Variants in TENM4 observed in about 807,000 individuals in gnomAD.
TENM4 encodes teneurin transmembrane protein 4, also known as teneurin-4.
In TENM4, 82 loss-of-function variants were observed where a neutral mutation model predicts 243.3. The ratio of observed to expected loss-of-function variants is 0.34; its 90% confidence interval spans 0.28 to 0.40. TENM4 has a LOEUF of 0.40. Ranked by LOEUF, TENM4 falls within the 10% of genes least tolerant of loss-of-function variation. The pLI is 1.00. For synonymous variants in TENM4, 1,412 were observed against 1,456.3 expected (o/e 0.97, Z 0.69); for missense variants, 3,138 against 3,673.3 (o/e 0.85, Z 3.77).
chr11:79,340,466 G>T (rs1331585907), intron 1 of TENM4, among the ~76,000 whole-genome samples: 1 of 152,126 alleles, frequency 6.6e-6, no homozygotes, highest in Non-Finnish European at 1.5e-5. Flanking sequence ...TGATACTCTT[G>T]AGGCTGGCTG....
At chr11:78,766,933 G>A (rs1464006107) in intron 18 of TENM4, among the ~76,000 whole-genome samples, 6 of 151,928 alleles carry the variant, frequency 3.9e-5, no homozygotes, top group South Asian at 2.1e-4. Flanking sequence ...CAAACTCCTG[G>A]CCTCAAGTGA....
chr11:78,860,779 T>C (rs968518140), intron 10 of TENM4, among the ~76,000 whole-genome samples: 3 of 152,194 alleles, frequency 2.0e-5, no homozygotes, highest in African/African-American at 7.2e-5. Flanking sequence ...CAGTGCTGCA[T>C]TGAAGGCATT....
intron 30 of TENM4, among the ~76,000 whole-genome samples, chr11:78,673,265 C>T (rs1381872672): frequency 4.6e-5 from 7 of 152,004 alleles, no homozygotes; most frequent in Admixed American, 3.9e-4. Context: ...TTGGATCTGC[C>T]CTGTAGGCAT....
At chr11:78,728,056 C>T (rs1456071698) in intron 22 of TENM4, among the ~76,000 whole-genome samples, 3 of 152,134 alleles carry the variant, frequency 2.0e-5, no homozygotes, top group Non-Finnish European at 2.9e-5. Context: ...CAGTCACTTC[C>T]CTTTTTAACT....
chr11:79,223,560 C>T (rs1029310844), intron 2 of TENM4, among the ~76,000 whole-genome samples: 3 of 152,158 alleles, frequency 2.0e-5, no homozygotes, highest in Admixed American at 2.0e-4. Context: ...CCTATTGTCA[C>T]TGGGGGAGAA....
At chr11:79,324,940 G>A (rs1161522179) in intron 1 of TENM4, among the ~76,000 whole-genome samples, 3 of 152,190 alleles carry the variant, frequency 2.0e-5, no homozygotes, top group African/African-American at 7.2e-5. Context: ...ACTCCCAAGA[G>A]GCAGGCCCCA....
Position 79,019,774 on chromosome 11 carries a change from T to C in TENM4, c.493+44964A>G, listed in dbSNP as rs560836906. 6.6e-5 allele frequency among the ~76,000 whole-genome samples: 10 copies of C among 152,248 alleles called. No homozygotes were observed. The East Asian group carries it at 1.9e-3, about 29-fold the overall frequency. Reference sequence around the variant, plus strand: ...GTTGAGGAAGTGGAGACACAGACACTATGACATTAGACAGTGAAATTAGAA... The same window carrying C: ...GTTGAGGAAGTGGAGACACAGACACCATGACATTAGACAGTGAAATTAGAA... On this transcript the variant is annotated intron_variant, in intron 6 of 33. Coordinates refer to ENST00000278550, the MANE Select transcript of TENM4 (RefSeq NM_001098816.3).
chr11:79,425,954 C>A, intron 1 of TENM4, among the ~76,000 whole-genome samples: 1 of 152,054 alleles, frequency 6.6e-6, no homozygotes, highest in East Asian at 1.9e-4. Context: ...AGGTGTGTGC[C>A]CACACACCTG....
At chr11:78,725,397 G>T (rs1352880879) in intron 23 of TENM4, among the ~76,000 whole-genome samples, 1 of 152,178 alleles carries the variant, frequency 6.6e-6, no homozygotes, top group African/African-American at 2.4e-5. Flanking sequence ...CCCGGCTCAT[G>T]GTCAGAGTGA....
chr11:78,844,987 T>TTGTACACTGCTTTCCAGCTCACTAAG (rs1303517995), intron 12 of TENM4, among the ~76,000 whole-genome samples: 2 of 152,288 alleles, frequency 1.3e-5, no homozygotes, highest in African/African-American at 4.8e-5. Context: ...TAATAATTAT[T>TTGTACACTGCTTTCCAGCTCACTAAG]TGTACACTGC....
intron 1 of TENM4, among the ~76,000 whole-genome samples, chr11:79,322,652 A>G (rs1055677926): frequency 6.6e-6 from 1 of 152,096 alleles, no homozygotes; most frequent in Non-Finnish European, 1.5e-5. Flanking sequence ...TGAGAAAGGG[A>G]AAAAAAAGAC....
At chr11:78,886,367 T>C (rs1565423617) in intron 9 of TENM4, among the ~76,000 whole-genome samples, 1 of 152,232 alleles carries the variant, frequency 6.6e-6, no homozygotes, top group Non-Finnish European at 1.5e-5. Flanking sequence ...CCTTCCAAGT[T>C]AGTCGTCACA....
intron 3 of TENM4, among the ~76,000 whole-genome samples, chr11:79,187,641 T>C (rs1227933871): frequency 6.6e-6 from 1 of 152,200 alleles, no homozygotes; most frequent in Non-Finnish European, 1.5e-5. Context: ...GTTGAAGTCC[T>C]AACCCCCAGT....
intron 16 of TENM4, among the ~76,000 whole-genome samples, chr11:78,785,711 C>A (rs1241932221): frequency 6.6e-6 from 1 of 152,084 alleles, no homozygotes; most frequent in African/African-American, 2.4e-5. Context: ...TATTCCATGG[C>A]CAAAACCCAG....
chr11:78,947,877 C>G (rs1055593740), intron 6 of TENM4, among the ~76,000 whole-genome samples: 1 of 152,140 alleles, frequency 6.6e-6, no homozygotes, highest in African/African-American at 2.4e-5. Flanking sequence ...ACTGCCAAAC[C>G]ATCGGTTCTC....
At chr11:79,388,490 G>T in intron 1 of TENM4, among the ~76,000 whole-genome samples, 1 of 152,176 alleles carries the variant, frequency 6.6e-6, no homozygotes, top group East Asian at 1.9e-4. Flanking sequence ...GGTGATTATT[G>T]TACCAGGAAT....
intron 9 of TENM4, among the ~76,000 whole-genome samples, chr11:78,878,655 T>A (rs1859333401): frequency 6.6e-6 from 1 of 152,178 alleles, no homozygotes; most frequent in South Asian, 2.1e-4. Context: ...AGAGAAAGTT[T>A]TCTTCTGGCA....
intron 15 of TENM4, among the ~76,000 whole-genome samples, chr11:78,800,859 C>G (rs139365364): frequency 2.6e-5 from 4 of 151,890 alleles, no homozygotes; most frequent in South Asian, 4.2e-4. Context: ...ACTTATGAGT[C>G]GGGTGAGGGT....
At chr11:79,206,685 T>C (rs1863855012) in intron 3 of TENM4, among the ~76,000 whole-genome samples, 1 of 152,192 alleles carries the variant, frequency 6.6e-6, no homozygotes, top group African/African-American at 2.4e-5. Flanking sequence ...TTTCCACTTT[T>C]GCTTCTTCCT....
Sources: allele counts gnomAD v4.1 joint callset (sites outside exome capture counted in the v4.1 genomes callset), GRCh38; gene constraint gnomAD v4.1.1; transcripts MANE v1.5; gene names NCBI Gene and HGNC (gene_info 2026-07-23, HGNC 2026-07-21).